Variants in SAFB observed in about 807,000 individuals in gnomAD.
The protein encoded by SAFB is scaffold attachment factor B1.
In SAFB, 15 loss-of-function variants were observed where a neutral mutation model predicts 101.6. The ratio of observed to expected loss-of-function variants is 0.15; its 90% confidence interval spans 0.10 to 0.23. The LOEUF (loss-of-function observed/expected upper bound fraction) is 0.23. Among genes scored for constraint, SAFB ranks in the 10% least tolerant of loss-of-function variants. SAFB has a pLI of 1.00. For missense variants in SAFB, 930 were observed against 1,104.1 expected, an observed-to-expected ratio of 0.84 and a Z score of 2.23; for synonymous variants, 449 against 407.5, an observed-to-expected ratio of 1.10 and a Z score of -1.23.
At chr19:5,661,384 A>G in intron 14 of SAFB, 134 bp from the exon 15 acceptor site, 1 of 1,474,238 alleles carries the variant, frequency 6.8e-7, no homozygotes, top group Non-Finnish European at 9.1e-7. Context: ...TTCCCGCTGG[A>G]GTGTACGGTT....
rs750951655 is a variant in SAFB, at chr19:5,667,086, G to A, written c.2375G>A (p.Arg792Gln). ...ERHGGPERHG[R>Q]DSRDGWGGYG... is the part of the protein sequence containing the mutation. The stretch of plus-strand genomic sequence containing the variant: ...CATGGAGGACCAGAGCGCCACGGCC[G>A]GGACTCCCGCGATGGCTGGGGGGGC... Residue 792 changes from arginine (R) to glutamine (Q), a missense_variant, in exon 18 of 21, where the codon CGG becomes CAG. Arg to Gln is a conservative substitution (Grantham distance 43). This residue lies in a region of SAFB where 318 missense variants were observed against 342.6 expected (regional missense o/e 0.93). Coordinates refer to ENST00000588852, the MANE Select transcript of SAFB (RefSeq NM_001201338.2). The surrounding 1 kb of genome is among the most constrained non-coding windows in gnomAD (Gnocchi z 4.0). The A allele has an allele frequency of 8.7e-6, 14 of 1,612,518 alleles. No homozygotes were observed. The highest frequency in any genetic ancestry group is 1.2e-5 in the Non-Finnish European group (14 of 1,179,356).
At chr19:5,651,772 C>T (rs903751680) in intron 9 of SAFB, among the ~76,000 whole-genome samples, 1 of 152,228 alleles carries the variant, frequency 6.6e-6, no homozygotes, top group Non-Finnish European at 1.5e-5. Flanking sequence ...CTCCTCGTCT[C>T]TCTCAGAGTC....
chr19:5,651,179 C>A (rs967678396), intron 9 of SAFB, 107 bp downstream of exon 9: 7 of 649,538 alleles, frequency 1.1e-5, no homozygotes, highest in African/African-American at 1.9e-5. Flanking sequence ...TACCAAGGAG[C>A]TTACACTTGC....
At position 5,643,639 on chromosome 19, in the gene SAFB, C is replaced by T. The variant is rs182854201; in HGVS notation, c.546+1693C>T. 4.2e-3 allele frequency among the ~76,000 whole-genome samples: 645 copies of T among 152,266 alleles called. 1 individual carries two copies. Among genetic ancestry groups the T allele is most frequent in the Non-Finnish European group, 7.5e-3 (507 of 68,024 alleles). ...CCTCCTAAGCAGAAAATCATACATT[C>T]TGCAACAAAAGCTGGAAACATCCTA... On this transcript the variant is annotated intron_variant, in intron 4 of 20. Coordinates refer to ENST00000588852, the MANE Select transcript of SAFB (RefSeq NM_001201338.2).
chr19:5,660,269 T>A (rs2054164681), intron 14 of SAFB, among the ~76,000 whole-genome samples: 1 of 150,272 alleles, frequency 6.7e-6, no homozygotes, highest in African/African-American at 2.4e-5. Flanking sequence ...TCTAATACAA[T>A]GAAAATGCTG....
chr19:5,632,182 A>G (rs2053503881), intron 2 of SAFB, among the ~76,000 whole-genome samples: 1 of 152,224 alleles, frequency 6.6e-6, no homozygotes, highest in Non-Finnish European at 1.5e-5. Flanking sequence ...TTGCTTGGTT[A>G]AGTATTACCC....
At position 5,630,693 on chromosome 19, in the gene SAFB, T is replaced by C. The variant is rs2053470692; in HGVS notation, c.274+4204T>C. Among the ~76,000 whole-genome samples the C allele has an allele frequency of 1.3e-5, 2 of 151,476 alleles. 1 individual carries two copies. The highest frequency in any genetic ancestry group is 4.2e-4 in the South Asian group (2 of 4,792). On this transcript the variant is annotated intron_variant, in intron 2 of 20. Transcript: ENST00000588852. ...ATCGCTTGAACCCGGGAAGCAGAGG[T>C]TGCAGTGAGCCGAGATCACGCCACT...
At position 5,649,972 on chromosome 19, in the gene SAFB, A is replaced by G. The variant is rs1341821792; in HGVS notation, c.1195A>G (p.Lys399Glu). 6.2e-7 allele frequency: 1 copy of G among 1,613,800 alleles called. No individual in the cohort carries two copies. Among genetic ancestry groups the G allele is most frequent in the Non-Finnish European group, 8.5e-7 (1 of 1,179,678 alleles). ...TACAAAAAGGCTTTCCAAAGAGGAA[A>G]AGGGTAGGTCACCTCGGCGACACCA... is the stretch of plus-strand genomic sequence containing the variant. ...SDTKRLSKEEKGRSSCGRNFW... is the reference protein window; with the variant it reads ...SDTKRLSKEEEGRSSCGRNFW... The change falls in exon 8 of 21, where the codon AAG (lysine) becomes GAG (glutamate). Residue 399 changes from lysine (K) to glutamate (E), a missense_variant. Lys to Glu is a moderately conservative substitution (Grantham distance 56). Around this residue, in one of 7 missense-constraint regions of SAFB, gnomAD observed 68 missense variants for 122.1 expected, o/e 0.56. Transcript: ENST00000588852.
chr19:5,666,871 G>A, intron 17 of SAFB, 175 bp from the exon 18 acceptor site: 1 of 707,460 alleles, frequency 1.4e-6, no homozygotes, highest in Non-Finnish European at 2.6e-6. Flanking sequence ...AGGGCACAGG[G>A]CCTCTGGCCT....
Position 5,623,163 on chromosome 19 carries a change from C to T in SAFB, c.-43C>T, listed in dbSNP as rs758804185. ...TGTGCTAGGAGCCTGATAAAACCGG[C>T]CCGGTTCTGTGGAAAGTGGGCGGCG... On this transcript the variant is annotated 5_prime_UTR_variant, in exon 1 of 21. Transcript: ENST00000588852. 5.2e-6 allele frequency: 8 copies of T among 1,543,952 alleles called. No individual in the cohort carries two copies. Among genetic ancestry groups the T allele is most frequent in the Non-Finnish European group, 7.0e-6 (8 of 1,141,924 alleles).
chr19:5,630,094 G>A (rs1405927141), intron 2 of SAFB, among the ~76,000 whole-genome samples: 1 of 152,186 alleles, frequency 6.6e-6, no homozygotes, highest in African/African-American at 2.4e-5. Context: ...CCAACAATGG[G>A]TGACGGTGCC....
intron 9 of SAFB, among the ~76,000 whole-genome samples, chr19:5,651,962 G>A (rs1168829767): frequency 1.3e-5 from 2 of 152,208 alleles, no homozygotes; most frequent in South Asian, 2.1e-4. Context: ...TTGGGAGGCC[G>A]AGGTGGGTGG....
chr19:5,626,460 A>G lies in SAFB; in HGVS notation c.245A>G (p.Asn82Ser), dbSNP rs767336550. 1.2e-6 allele frequency: 2 copies of G among 1,608,098 alleles called. No homozygotes were observed. Among genetic ancestry groups the G allele is most frequent in the Admixed American group, 1.7e-5 (1 of 60,008 alleles). Reference sequence around the variant, plus strand: ...GAAATTGAAATTACCTCCGAGGGAAACAAGAAAACATCAAAGAGGTCTAGC... The same window carrying G: ...GAAATTGAAATTACCTCCGAGGGAAGCAAGAAAACATCAAAGAGGTCTAGC... ...PDEIEITSEG[N>S]KKTSKRSSKG... is the part of the protein sequence containing the mutation. Residue 82 changes from asparagine to serine, a missense_variant, in exon 2 of 21, where the codon AAC (asparagine) becomes AGC (serine). Transcript: ENST00000588852.
intron 14 of SAFB, among the ~76,000 whole-genome samples, chr19:5,659,091 G>A (rs1270546239): frequency 6.7e-6 from 1 of 148,658 alleles, no homozygotes; most frequent in Non-Finnish European, 1.5e-5. Flanking sequence ...GCAGTGAGCC[G>A]AGATTGCGCC....
rs1326864053 is a variant in SAFB, at chr19:5,664,027, A to T, written c.2159A>T (p.Asp720Val). ...TGTCTCATGTCCCCTCACAGGCGAG[A>T]TGATGCCTATTGGCCGGAAGCCAAG... ...VRRPYDLDRRDDAYWPEAKRA... is the reference protein window; with the variant it reads ...VRRPYDLDRRVDAYWPEAKRA... The change falls in exon 16 of 21, where the codon GAT becomes GTT. Residue 720 changes from aspartate to valine, a missense_variant. Transcript: ENST00000588852. The T allele has an allele frequency of 2.5e-6, 4 of 1,613,686 alleles. No individual in the cohort carries two copies. In the Admixed American group the frequency reaches 6.7e-5, roughly 27 times the overall value.
chr19:5,659,098 C>T (rs1435787830), intron 14 of SAFB, among the ~76,000 whole-genome samples: 4 of 151,486 alleles, frequency 2.6e-5, no homozygotes, highest in South Asian at 2.1e-4. Flanking sequence ...GCCGAGATTG[C>T]GCCACTGCAC....
At chr19:5,651,890 A>G (rs1490124015) in intron 9 of SAFB, among the ~76,000 whole-genome samples, 12 of 152,230 alleles carry the variant, frequency 7.9e-5, no homozygotes, top group African/African-American at 2.9e-4. Flanking sequence ...ACTGACTTCG[A>G]AGAACTTAAA....
At position 5,623,117 on chromosome 19, in the gene SAFB, C is replaced by T. The variant is rs969860133; in HGVS notation, c.-89C>T. 2.3e-6 allele frequency: 3 copies of T among 1,328,548 alleles called. No individual in the cohort carries two copies. The highest frequency in any genetic ancestry group is 2.5e-5 in the East Asian group (1 of 39,750). 82.3% of individuals were successfully genotyped at this position (1,328,548 alleles called of 1,614,324 possible). ...GCGCGCTGGGGCGACTGGAGCGGTT[C>T]CCTCGCAGGCGGCGCCATTTTGTGC... On this transcript the variant is annotated 5_prime_UTR_variant, in exon 1 of 21. Transcript: ENST00000588852.
At chr19:5,648,113 A>T in intron 6 of SAFB, 70 bp downstream of exon 6, 1 of 1,305,578 alleles carries the variant, frequency 7.7e-7, no homozygotes, top group South Asian at 1.3e-5. Context: ...CTCTAATTTG[A>T]ATTCTTTGAT....
Sources: gnomAD v4.1 joint callset for allele counts (sites outside exome capture counted in the v4.1 genomes callset) on GRCh38, gnomAD v4.1.1 for gene constraint, gnomAD v4.1.1 regional missense constraint, Gnocchi (gnomAD v3.1) non-coding constraint, MANE v1.5 for transcripts, NCBI Gene and HGNC (gene_info 2026-07-23, HGNC 2026-07-21) for gene names.